Variants in MYH15 observed in about 807,000 individuals in gnomAD.
The protein encoded by MYH15 is myosin heavy chain 15.
MYH15 carries 227 observed loss-of-function variants against 240.5 expected under a neutral mutation model. The ratio of observed to expected loss-of-function variants is 0.94; its 90% CI spans 0.85 to 1.05. MYH15 has a LOEUF of 1.05. Among genes scored for constraint, MYH15 ranks in the 50% least tolerant of loss-of-function variants. MYH15 has a pLI of 0.00. For synonymous variants in MYH15, 785 were observed against 796.7 expected (o/e 0.99, Z 0.25); for missense variants, 2,217 against 2,247.5 (o/e 0.99, Z 0.27).
intron 35 of MYH15, among the ~76,000 whole-genome samples, chr3:108,396,000 T>C (rs1433961710): frequency 6.6e-6 from 1 of 152,178 alleles, no homozygotes; most frequent in African/African-American, 2.4e-5. Flanking sequence ...GAGCTTCTGA[T>C]TTAGTGGATC....
chr3:108,476,250 A>G, intron 12 of MYH15, 147 bp downstream of exon 12: 1 of 515,896 alleles, frequency 1.9e-6, no homozygotes. Flanking sequence ...AAACATTTGG[A>G]ATAGTCATCC....
Position 108,454,109 on chromosome 3 carries a change from C to T in MYH15, c.2296G>A (p.Glu766Lys). The change falls in exon 21 of 41, where the codon GAA becomes AAA. Residue 766 changes from glutamate to lysine, a missense_variant. Glu to Lys is a moderately conservative substitution (Grantham distance 56). Transcript: ENST00000693548. Reference protein sequence around the residue: ...FFKAGFLGQLEAIRDERLSKV... With the variant: ...FFKAGFLGQLKAIRDERLSKV... Reference sequence around the variant, plus strand: ...GATAGTCTCTCATCTCTTATTGCTTCCAGTTGGCCCAGAAACCCAGCTTTA... The same window carrying T: ...GATAGTCTCTCATCTCTTATTGCTTTCAGTTGGCCCAGAAACCCAGCTTTA... The T allele has an allele frequency of 6.2e-7, 1 of 1,610,790 alleles. No individual in the cohort carries two copies. The highest frequency in any genetic ancestry group is 8.5e-7 in the Non-Finnish European group (1 of 1,177,750).
intron 21 of MYH15, among the ~76,000 whole-genome samples, chr3:108,450,689 C>T (rs1475536319): frequency 6.6e-6 from 1 of 152,052 alleles, no homozygotes; most frequent in African/African-American, 2.4e-5. Flanking sequence ...GAGAGTAGAC[C>T]TTAAATGCTC....
chr3:108,475,919 C>T (rs774730280), intron 12 of MYH15, among the ~76,000 whole-genome samples: 1 of 152,222 alleles, frequency 6.6e-6, no homozygotes, highest in Non-Finnish European at 1.5e-5. Flanking sequence ...TTCCATCTCT[C>T]ATTTCTGTTT....
At chr3:108,474,492 T>A (rs979569381) in intron 12 of MYH15, among the ~76,000 whole-genome samples, 6 of 150,672 alleles carry the variant, frequency 4.0e-5, no homozygotes, top group African/African-American at 1.2e-4. Context: ...TTTTTTTGTT[T>A]TTATTATTAT....
At chr3:108,402,311 G>A (rs1199633345) in intron 33 of MYH15, among the ~76,000 whole-genome samples, 2 of 152,240 alleles carry the variant, frequency 1.3e-5, no homozygotes, top group African/African-American at 2.4e-5. Context: ...GTCAGATGGT[G>A]TATATAAATT....
intron 1 of MYH15, among the ~76,000 whole-genome samples, chr3:108,527,488 T>G (rs1253556178): frequency 2.0e-5 from 3 of 152,116 alleles, no homozygotes; most frequent in Non-Finnish European, 4.4e-5. Context: ...CAGTTACATG[T>G]TTTATGAGAC....
At chr3:108,492,635 T>C in intron 8 of MYH15, 40 bp from the exon 9 acceptor site, 1 of 1,487,374 alleles carries the variant, frequency 6.7e-7, no homozygotes, top group South Asian at 1.1e-5. Context: ...TACTTAGGCA[T>C]TCTTGCAAAA....
chr3:108,490,202 T>C (rs1267205100), intron 9 of MYH15, among the ~76,000 whole-genome samples: 1 of 152,236 alleles, frequency 6.6e-6, no homozygotes, highest in African/African-American at 2.4e-5. Flanking sequence ...GAATACGTGC[T>C]GCTTACATGA....
At chr3:108,460,200 G>T in intron 17 of MYH15, 100 bp downstream of exon 17, 1 of 1,067,050 alleles carries the variant, frequency 9.4e-7, no homozygotes, top group Non-Finnish European at 1.3e-6. Flanking sequence ...GCTAGCTCCT[G>T]ATACTTTATC....
At chr3:108,439,021 T>G (rs1306965965) in intron 24 of MYH15, among the ~76,000 whole-genome samples, 1 of 150,342 alleles carries the variant, frequency 6.7e-6, no homozygotes, top group Non-Finnish European at 1.5e-5. Flanking sequence ...GAAATTTATA[T>G]AGAGGCAGGA....
rs574704637 is a variant in MYH15, at chr3:108,441,268, G to C, written c.2656-8C>G. 15 of 1,613,182 alleles carry C rather than the reference G, an allele frequency of 9.3e-6. No homozygotes were observed. The highest frequency in any genetic ancestry group is 1.7e-4 in the Middle Eastern group (1 of 6,056). ...TGCCAGTGTCTCTTGCTCCTGCCAT[G>C]ATGAGGAGAAAATTGTTGCCAACAG... is the stretch of plus-strand genomic sequence containing the variant. On this transcript the variant is annotated splice_polypyrimidine_tract_variant and splice_region_variant and intron_variant, in intron 22 of 40. Transcript: ENST00000693548.
intron 24 of MYH15, among the ~76,000 whole-genome samples, chr3:108,438,753 C>A (rs1399895849): frequency 6.6e-6 from 1 of 152,116 alleles, no homozygotes; most frequent in Non-Finnish European, 1.5e-5. Flanking sequence ...TCATGGACTT[C>A]CCAGCCTCCA....
intron 1 of MYH15, among the ~76,000 whole-genome samples, chr3:108,518,362 CTCCATCTT>C (rs1176456646): frequency 6.6e-6 from 1 of 152,180 alleles, no homozygotes; most frequent in Non-Finnish European, 1.5e-5. Flanking sequence ...TCAAAACCAT[CTCCATCTT>C]TCCATCACCC....
chr3:108,459,132 A>G (rs1358275840), intron 18 of MYH15, among the ~76,000 whole-genome samples: 2 of 152,194 alleles, frequency 1.3e-5, no homozygotes, highest in South Asian at 2.1e-4. Context: ...AATATCAAAC[A>G]TTCTAATGTT....
At chr3:108,428,376 T>G (rs1009825238) in intron 27 of MYH15, 116 bp downstream of exon 27, 2 of 1,261,062 alleles carry the variant, frequency 1.6e-6, no homozygotes, top group Non-Finnish European at 2.2e-6. Context: ...ATAGTCTTCA[T>G]TAGAAAATAC....
intron 21 of MYH15, among the ~76,000 whole-genome samples, chr3:108,445,844 G>A (rs1022563769): frequency 7.9e-5 from 5 of 63,374 alleles, no homozygotes; most frequent in Non-Finnish European, 1.9e-4. Flanking sequence ...ACACAGATTT[G>A]AAAGAAGACC....
intron 19 of MYH15, among the ~76,000 whole-genome samples, chr3:108,456,221 C>T (rs1482391490): frequency 6.6e-6 from 1 of 152,084 alleles, no homozygotes; most frequent in Non-Finnish European, 1.5e-5. Context: ...ATTCCTTTAC[C>T]CTGTTGGTGA....
chr3:108,492,679 G>A (rs574592940), intron 8 of MYH15, 84 bp from the exon 9 acceptor site: 2 of 940,464 alleles, frequency 2.1e-6, no homozygotes, highest in African/African-American at 1.6e-5. Flanking sequence ...GAGCGCAGTG[G>A]CTCACAACTG....
Sources: gnomAD v4.1 joint callset for allele counts (sites outside exome capture counted in the v4.1 genomes callset) on GRCh38, gnomAD v4.1.1 for gene constraint, MANE v1.5 for transcripts, NCBI Gene and HGNC (gene_info 2026-07-23, HGNC 2026-07-21) for gene names.